KCNH8: variants seen among roughly 807,000 people sequenced by gnomAD.
KCNH8 encodes voltage-gated delayed rectifier potassium channel KCNH8.
KCNH8 carries 70 observed loss-of-function variants against 103.6 expected under a neutral mutation model. That is an observed-to-expected ratio of 0.68 (90% CI 0.56 to 0.82). The LOEUF (loss-of-function observed/expected upper bound fraction) is 0.82. KCNH8 is among the 40% of genes least tolerant of loss of function. KCNH8 has a pLI of 0.00. For synonymous variants in KCNH8, 498 were observed against 489.4 expected (o/e 1.02, Z -0.23); for missense variants, 1,217 against 1,329.9 (o/e 0.92, Z 1.32).
intron 1 of KCNH8, among the ~76,000 whole-genome samples, chr3:19,187,688 G>A (rs1036981110): frequency 6.6e-6 from 1 of 152,068 alleles, no homozygotes; most frequent in Non-Finnish European, 1.5e-5. Context: ...GAACCTGGGT[G>A]TTAACAAATG....
At chr3:19,505,048 A>T (rs2125237040) in intron 11 of KCNH8, among the ~76,000 whole-genome samples, 1 of 150,522 alleles carries the variant, frequency 6.6e-6, no homozygotes, top group South Asian at 2.1e-4. Context: ...TACACTATAT[A>T]TATACACACA....
intron 5 of KCNH8, among the ~76,000 whole-genome samples, chr3:19,370,849 A>C (rs2066081100): frequency 6.6e-6 from 1 of 150,944 alleles, no homozygotes; most frequent in Non-Finnish European, 1.5e-5. Context: ...TATGAGTGAG[A>C]ATATGCGGTG....
At chr3:19,200,128 AT>A (rs1264802289) in intron 1 of KCNH8, among the ~76,000 whole-genome samples, 5 of 152,132 alleles carry the variant, frequency 3.3e-5, no homozygotes, top group African/African-American at 1.2e-4. Context: ...ATGTGATTAA[AT>A]TTTTTTCTAC....
intron 5 of KCNH8, among the ~76,000 whole-genome samples, chr3:19,376,631 A>G (rs1027976448): frequency 1.3e-5 from 2 of 152,102 alleles, no homozygotes; most frequent in Admixed American, 1.3e-4. Flanking sequence ...CTCCCTGTAT[A>G]CATATTTTAA....
intron 3 of KCNH8, among the ~76,000 whole-genome samples, chr3:19,325,066 C>G (rs1489965562): frequency 6.6e-6 from 1 of 152,090 alleles, no homozygotes; most frequent in Admixed American, 6.6e-5. Flanking sequence ...GCTATGTGAT[C>G]TTCAACAAAC....
At chr3:19,388,348 C>T (rs1037706550) in intron 5 of KCNH8, among the ~76,000 whole-genome samples, 2 of 151,988 alleles carry the variant, frequency 1.3e-5, no homozygotes, top group Non-Finnish European at 2.9e-5. Context: ...GTCTGAGGTA[C>T]TAAATTGCAT....
chr3:19,391,214 T>G (rs2066432232), intron 6 of KCNH8, among the ~76,000 whole-genome samples: 2 of 152,104 alleles, frequency 1.3e-5, no homozygotes, highest in Admixed American at 1.3e-4. Flanking sequence ...AGAGTTCTCT[T>G]GAATTTGCAT....
At chr3:19,305,228 A>G (rs1219614707) in intron 3 of KCNH8, among the ~76,000 whole-genome samples, 1 of 152,158 alleles carries the variant, frequency 6.6e-6, no homozygotes, top group Non-Finnish European at 1.5e-5. Flanking sequence ...TATGGCTTCC[A>G]ACCCAGAATC....
intron 2 of KCNH8, among the ~76,000 whole-genome samples, chr3:19,265,968 C>G (rs1172748130): frequency 6.6e-6 from 1 of 151,986 alleles, no homozygotes; most frequent in Non-Finnish European, 1.5e-5. Context: ...TGGTCCAGAG[C>G]TACAATAACT....
intron 1 of KCNH8, among the ~76,000 whole-genome samples, chr3:19,180,671 G>A (rs2063443131): frequency 6.6e-6 from 1 of 151,992 alleles, no homozygotes; most frequent in African/African-American, 2.4e-5. Context: ...GTACAAAGTT[G>A]TATGGTTTTT....
chr3:19,351,724 C>T (rs2065804895), intron 5 of KCNH8, among the ~76,000 whole-genome samples: 1 of 152,260 alleles, frequency 6.6e-6, no homozygotes, highest in South Asian at 2.1e-4. Flanking sequence ...CTTACAAGAG[C>T]TCCTGAAGAA....
At chr3:19,171,052 G>A (rs2063344131) in intron 1 of KCNH8, among the ~76,000 whole-genome samples, 1 of 151,612 alleles carries the variant, frequency 6.6e-6, no homozygotes, top group African/African-American at 2.4e-5. Flanking sequence ...ACCCGCCTTC[G>A]GCCTCCAAAA....
intron 3 of KCNH8, among the ~76,000 whole-genome samples, chr3:19,291,296 T>C (rs960082776): frequency 9.2e-5 from 14 of 152,190 alleles, no homozygotes; most frequent in African/African-American, 3.1e-4. Context: ...CTTTTGAATG[T>C]GTTTGCTCTT....
At chr3:19,499,472 C>A (rs2068525973) in intron 11 of KCNH8, among the ~76,000 whole-genome samples, 1 of 152,062 alleles carries the variant, frequency 6.6e-6, no homozygotes, top group Non-Finnish European at 1.5e-5. Flanking sequence ...AAGAGCAACT[C>A]CAAGACACAT....
chr3:19,294,173 G>A (rs1002430828), intron 3 of KCNH8, among the ~76,000 whole-genome samples: 1 of 151,982 alleles, frequency 6.6e-6, no homozygotes, highest in Non-Finnish European at 1.5e-5. Context: ...TGACTCTTCT[G>A]TTGTTAAGTT....
intron 14 of KCNH8, among the ~76,000 whole-genome samples, chr3:19,517,188 A>G (rs915562532): frequency 2.0e-5 from 3 of 152,012 alleles, no homozygotes; most frequent in African/African-American, 4.8e-5. Flanking sequence ...ATTGGTTGCT[A>G]TCTACTCTAA....
At chr3:19,148,843 T>A in intron 1 of KCNH8, 48 bp downstream of exon 1, 1 of 1,522,502 alleles carries the variant, frequency 6.6e-7, no homozygotes, top group Non-Finnish European at 9.1e-7. Flanking sequence ...TGAGACTGAT[T>A]TTTCTCGTAC....
intron 5 of KCNH8, among the ~76,000 whole-genome samples, chr3:19,375,499 A>C (rs2125120144): frequency 6.7e-6 from 1 of 149,688 alleles, no homozygotes; most frequent in East Asian, 2.0e-4. Context: ...TTCTAGTTAT[A>C]CATTCTTCTA....
intron 11 of KCNH8, among the ~76,000 whole-genome samples, chr3:19,500,444 C>A (rs1371674267): frequency 6.6e-6 from 1 of 152,062 alleles, no homozygotes; most frequent in African/African-American, 2.4e-5. Flanking sequence ...ACCTAATAGA[C>A]ATCTACAGAA....
Sources: allele counts gnomAD v4.1 joint callset (sites outside exome capture counted in the v4.1 genomes callset), GRCh38; gene constraint gnomAD v4.1.1; transcripts MANE v1.5; gene names NCBI Gene and HGNC (gene_info 2026-07-23, HGNC 2026-07-21).